Variants in ERAL1 observed in about 807,000 individuals in gnomAD.
The protein encoded by ERAL1 is Era like 12S mitochondrial rRNA chaperone 1.
In ERAL1, 36 loss-of-function variants were observed where a neutral mutation model predicts 53.6. The observed-to-expected ratio is 0.67, with a 90% confidence interval of 0.51 to 0.89. The LOEUF (loss-of-function observed/expected upper bound fraction) is 0.89, where lower values mean the gene tolerates loss of function less well. ERAL1 is among the 40% of genes least tolerant of loss of function. The pLI, the probability that ERAL1 is intolerant of heterozygous loss-of-function variation, is 0.00. For missense variants in ERAL1, 512 were observed against 537.5 expected (o/e 0.95, Z 0.47); for synonymous variants, 215 against 211.8 (o/e 1.02, Z -0.13).
chr17:28,856,557 T>C lies in ERAL1; in HGVS notation c.464T>C (p.Val155Ala). 1 of 1,613,612 alleles carries C rather than the reference T, an allele frequency of 6.2e-7. No individual in the cohort carries two copies. The highest frequency in any genetic ancestry group is 8.5e-7 in the Non-Finnish European group (1 of 1,179,884). ...VHTTRCQALG[V>A]ITEKETQVIL... ...ACTACTCGCTGCCAAGCTCTGGGGG[T>C]CATCACAGAGAAGGAGACCCAGGTG... is the stretch of plus-strand genomic sequence containing the variant. The change falls in exon 3 of 10, where the codon GTC (valine) becomes GCC (alanine). Residue 155 changes from valine (V) to alanine (A), a missense_variant. Transcript: ENST00000254928.
chr17:28,859,156 C>T lies in ERAL1; in HGVS notation c.1110+43C>T, dbSNP rs770972453. ...CTGGGGGCTCTCTATCAGACACACA[C>T]CTCTACCCAGGTGTATGACTGACTA... On this transcript the variant is annotated intron_variant, in intron 8 of 9. Coordinates refer to ENST00000254928, the MANE Select transcript of ERAL1 (RefSeq NM_005702.4). The T allele has an allele frequency of 9.9e-6, 16 of 1,614,046 alleles. 1 individual carries two copies. The South Asian group carries it at 1.5e-4, about 16-fold the overall frequency.
At chr17:28,856,211 G>T in intron 1 of ERAL1, 53 bp from the exon 2 acceptor site, 1 of 1,605,332 alleles carries the variant, frequency 6.2e-7, no homozygotes, top group South Asian at 1.1e-5. Context: ...ACAAGCACTT[G>T]ACAGGAAATC....
chr17:28,858,621 G>C lies in ERAL1; in HGVS notation c.757G>C (p.Ala253Pro). The C allele has an allele frequency of 6.2e-7, 1 of 1,614,174 alleles. No individual in the cohort carries two copies. The highest frequency in any genetic ancestry group is 1.1e-5 in the South Asian group (1 of 91,086). The change falls in exon 7 of 10, where the codon GCC becomes CCC. Residue 253 changes from alanine (A) to proline (P), a missense_variant. Transcript: ENST00000254928. ...GTCAGTTCTCCTGGAGCTCACGGCA[G>C]CCCTCACTGAAGGTGTGGTCAATGG... ...QKSVLLELTA[A>P]LTEGVVNGKK...
In ERAL1 at chr17:28,858,832, A is replaced by G. The variant is rs577080134; in HGVS notation, c.960+8A>G. 1 of 1,614,172 alleles carries G rather than the reference A, an allele frequency of 6.2e-7. No individual in the cohort carries two copies. ...GACGTGAAAACACTAAAGGTCAGTT[A>G]GTCTTGGCCATAGCCTGGCCCTTGG... On this transcript the variant is annotated splice_region_variant and intron_variant, in intron 7 of 9. Coordinates refer to ENST00000254928, the MANE Select transcript of ERAL1 (RefSeq NM_005702.4).
Position 28,860,575 on chromosome 17 carries a change from A to AG in ERAL1, c.*25dup. 1 of 1,571,354 alleles carries AG rather than the reference A, an allele frequency of 6.4e-7. No individual in the cohort carries two copies. Among genetic ancestry groups the AG allele is most frequent in the East Asian group, 2.3e-5 (1 of 42,856 alleles). On this transcript the variant is annotated 3_prime_UTR_variant, in exon 10 of 10. Coordinates refer to ENST00000254928, the MANE Select transcript of ERAL1 (RefSeq NM_005702.4). Reference sequence around the variant, plus strand: ...GTGACCACCCTCTACTGACCCTCCCAGGGCATTCCAGCTCAAGCTGCTGGC... The same window carrying AG: ...GTGACCACCCTCTACTGACCCTCCCAGGGGCATTCCAGCTCAAGCTGCTGGC...
Position 28,859,250 on chromosome 17 carries a change from A to G in ERAL1, c.1158A>G (p.Gln386=). 1 of 1,614,194 alleles carries G rather than the reference A, an allele frequency of 6.2e-7. No homozygotes were observed. Among genetic ancestry groups the G allele is most frequent in the Non-Finnish European group, 8.5e-7 (1 of 1,180,034 alleles). The change falls in exon 9 of 10, where the codon CAA becomes CAG. Residue 386 remains glutamine, a synonymous_variant. Coordinates refer to ENST00000254928, the MANE Select transcript of ERAL1 (RefSeq NM_005702.4). ...GACCAGGTGGGGAGCTGGTTATCCA[A>G]CAGAAGCTTCTGGTGCCCAAAGAAT... ...EEGPGGELVI[Q]QKLLVPKESY... is the part of the protein sequence containing the mutation.
At chr17:28,859,394 T>C in intron 9 of ERAL1, 111 bp downstream of exon 9, 1 of 1,056,708 alleles carries the variant, frequency 9.5e-7, no homozygotes, top group Non-Finnish European at 1.4e-6. Context: ...TTTTTCTTCT[T>C]CTTTTCTTTT....
Position 28,855,194 on chromosome 17 carries a change from G to A in ERAL1, c.160G>A (p.Gly54Ser), listed in dbSNP as rs1190614499. The A allele has an allele frequency of 1.2e-6, 2 of 1,614,204 alleles. No individual in the cohort carries two copies. The highest frequency in any genetic ancestry group is 1.1e-5 in the South Asian group (1 of 91,082). Residue 54 changes from glycine to serine, a missense_variant, in exon 1 of 10, where the codon GGT (glycine) becomes AGT (serine). Physicochemically the swap from Gly to Ser is moderately conservative, Grantham distance 56. Transcript: ENST00000254928. ...CTGCGTCGCGGGGTCCGCTTTCTCTGGTCCCCGCTTGGCCTCGGCTTCTCG... is the reference window on the plus strand; with the variant it reads ...CTGCGTCGCGGGGTCCGCTTTCTCTAGTCCCCGCTTGGCCTCGGCTTCTCG... ...VSCVAGSAFSGPRLASASRSN... is the reference protein window; with the variant it reads ...VSCVAGSAFSSPRLASASRSN...
chr17:28,856,585 G>A lies in ERAL1; in HGVS notation c.489+3G>A, dbSNP rs905034395. 5.6e-6 allele frequency: 9 copies of A among 1,613,876 alleles called. 1 individual carries two copies. The highest frequency in any genetic ancestry group is 5.3e-5 in the African/African-American group (4 of 74,884). ...TCACAGAGAAGGAGACCCAGGTGGTGGGTACCTACAAAGGGAGTCCTTGAA... is the reference window on the plus strand; with the variant it reads ...TCACAGAGAAGGAGACCCAGGTGGTAGGTACCTACAAAGGGAGTCCTTGAA... On this transcript the variant is annotated splice_donor_region_variant and intron_variant, in intron 3 of 9. Coordinates refer to ENST00000254928, the MANE Select transcript of ERAL1 (RefSeq NM_005702.4).
Position 28,856,547 on chromosome 17 carries a change from G to A in ERAL1, c.454G>A (p.Ala152Thr), listed in dbSNP as rs144746939. 418 of 1,614,042 alleles carry A rather than the reference G, an allele frequency of 2.6e-4. 1 individual carries two copies. In the African/African-American group the frequency reaches 4.0e-3, roughly 16 times the overall value. The change falls in exon 3 of 10, where the codon GCT becomes ACT. Residue 152 changes from alanine to threonine, a missense_variant. Ala to Thr is a moderately conservative substitution (Grantham distance 58). Transcript: ENST00000254928. ...GAAGGTGCATACTACTCGCTGCCAA[G>A]CTCTGGGGGTCATCACAGAGAAGGA... ...SRKVHTTRCQ[A>T]LGVITEKETQ...
chr17:28,858,016 G>A (rs375134357), intron 4 of ERAL1, 31 bp downstream of exon 4: 61 of 1,614,012 alleles, frequency 3.8e-5, no homozygotes, highest in South Asian at 3.5e-4. Context: ...GTGGATTGGC[G>A]GGGAGGTACT....
rs1315254212 is a variant in ERAL1 at position 28,858,704 on chromosome 17, C to T, written c.840C>T (p.Ser280=). Residue 280 remains serine, a synonymous_variant, in exon 7 of 10, where the codon AGC becomes AGT. Coordinates refer to ENST00000254928, the MANE Select transcript of ERAL1 (RefSeq NM_005702.4). ...CACACCCTGGCACCCATTGCCCCAG[C>T]CCAGCAGTTAAGGACCCAAACACAC... ...FHSHPGTHCP[S]PAVKDPNTQS... 6.2e-7 allele frequency: 1 copy of T among 1,614,094 alleles called. No homozygotes were observed. The highest frequency in any genetic ancestry group is 1.7e-5 in the Admixed American group (1 of 59,998).
At position 28,856,563 on chromosome 17, in the gene ERAL1, C is replaced by T. The variant is rs2039246091; in HGVS notation, c.470C>T (p.Thr157Ile). The T allele has an allele frequency of 1.2e-6, 2 of 1,614,000 alleles. No homozygotes were observed. The highest frequency in any genetic ancestry group is 2.2e-5 in the South Asian group (2 of 91,080). The change falls in exon 3 of 10, where the codon ACA (threonine) becomes ATA (isoleucine). Residue 157 changes from threonine to isoleucine, a missense_variant. By Grantham distance (89) the Thr-to-Ile change is moderately conservative. Coordinates refer to ENST00000254928, the MANE Select transcript of ERAL1 (RefSeq NM_005702.4). The part of the protein sequence containing the change: ...TTRCQALGVI[T>I]EKETQVILLD... ...CGCTGCCAAGCTCTGGGGGTCATCA[C>T]AGAGAAGGAGACCCAGGTGGTGGGT...
rs376700886 is a variant in ERAL1, at chr17:28,855,088, C to G, written c.54C>G (p.Val18=). The G allele has an allele frequency of 1.1e-5, 18 of 1,614,116 alleles. No individual in the cohort carries two copies. The highest frequency in any genetic ancestry group is 1.4e-5 in the Non-Finnish European group (17 of 1,179,972). ...GARLVQSVLR[V]WQVGPHVARE... is the part of the protein sequence containing the mutation. ...GGCTTGTTCAATCGGTGTTAAGAGT[C>G]TGGCAGGTGGGCCCTCATGTCGCGA... is the stretch of plus-strand genomic sequence containing the variant. Residue 18 remains valine, a synonymous_variant, in exon 1 of 10, where the codon GTC becomes GTG. Transcript: ENST00000254928.
chr17:28,856,476 C>T, intron 2 of ERAL1, 29 bp from the exon 3 acceptor site: 11 of 1,613,514 alleles, frequency 6.8e-6, no homozygotes, highest in Admixed American at 1.7e-5. Flanking sequence ...GGATCTGGGA[C>T]CTCACTGAGA....
chr17:28,858,852 C>T, intron 7 of ERAL1, 28 bp downstream of exon 7: 1 of 1,613,826 alleles, frequency 6.2e-7, no homozygotes, highest in Non-Finnish European at 8.5e-7. Context: ...ATAGCCTGGC[C>T]CTTGGTTTCT....
At chr17:28,860,367 AAGTAGCTGGG>A (rs1236826367) in intron 9 of ERAL1, 54 bp from the exon 10 acceptor site, 46 of 1,588,008 alleles carry the variant, frequency 2.9e-5, no homozygotes, top group Non-Finnish European at 3.8e-5. Flanking sequence ...TTAGCCCCCC[AAGTAGCTGGG>A]ACTACAGGCA....
Position 28,859,338 on chromosome 17 carries a change from TC to T in ERAL1, c.1191+60del. The T allele has an allele frequency of 3.2e-6, 5 of 1,566,984 alleles. No individual in the cohort carries two copies. In the East Asian group the frequency reaches 6.7e-5, roughly 21 times the overall value. On this transcript the variant is annotated intron_variant, in intron 9 of 9. Coordinates refer to ENST00000254928, the MANE Select transcript of ERAL1 (RefSeq NM_005702.4). ...CAAGACTATGTTAGGCAGGAGTTCT[TC>T]CCCCAGCTTGGAGCCCTGAGAGCAG...
At chr17:28,856,124 G>C in intron 1 of ERAL1, 140 bp from the exon 2 acceptor site, 1 of 890,078 alleles carries the variant, frequency 1.1e-6, no homozygotes, top group Non-Finnish European at 1.7e-6. Flanking sequence ...AAGGGCCAAA[G>C]TCTCAAAGTC....
Sources: gnomAD v4.1 joint callset for allele counts on GRCh38, gnomAD v4.1.1 for gene constraint, MANE v1.5 for transcripts, NCBI Gene and HGNC (gene_info 2026-07-23, HGNC 2026-07-21) for gene names.